Variants in CADM2 observed in about 807,000 individuals in gnomAD.
CADM2 encodes immunoglobulin superfamily member 4D.
Under a neutral mutation model 49.8 loss-of-function variants are expected in CADM2, and 12 were observed. The ratio of observed to expected loss-of-function variants is 0.24; its 90% CI spans 0.15 to 0.39. The LOEUF (loss-of-function observed/expected upper bound fraction) is 0.39, where lower values mean the gene tolerates loss of function less well. Ranked by LOEUF, CADM2 falls within the 10% of genes least tolerant of loss-of-function variation. CADM2 has a pLI of 1.00. For synonymous variants in CADM2, 214 were observed against 175.4 expected, an observed-to-expected ratio of 1.22 and a Z score of -1.74; for missense variants, 378 against 492.3, an observed-to-expected ratio of 0.77 and a Z score of 2.20.
intron 1 of CADM2, among the ~76,000 whole-genome samples, chr3:85,155,829 C>G (rs1473881250): frequency 6.6e-6 from 1 of 152,166 alleles, no homozygotes; most frequent in Non-Finnish European, 1.5e-5. Flanking sequence ...ACAACCTGCT[C>G]CTGAATGACT....
chr3:85,894,180 A>G (rs1205245542), intron 5 of CADM2, among the ~76,000 whole-genome samples: 1 of 150,848 alleles, frequency 6.6e-6, no homozygotes, highest in Non-Finnish European at 1.5e-5. Flanking sequence ...AAAAATGATG[A>G]GTTCATGTCC....
At chr3:84,968,369 A>T (rs1042563282) in intron 1 of CADM2, among the ~76,000 whole-genome samples, 1 of 152,066 alleles carries the variant, frequency 6.6e-6, no homozygotes, top group African/African-American at 2.4e-5. Flanking sequence ...GTTCTGTGAT[A>T]TTCAATGTGC....
At chr3:85,098,436 C>G (rs955592245) in intron 1 of CADM2, among the ~76,000 whole-genome samples, 2 of 152,040 alleles carry the variant, frequency 1.3e-5, no homozygotes, top group African/African-American at 2.4e-5. Context: ...CAAGTCACCA[C>G]GCTTTTTTGA....
At chr3:85,510,823 G>C (rs2040582334) in intron 1 of CADM2, among the ~76,000 whole-genome samples, 1 of 151,628 alleles carries the variant, frequency 6.6e-6, no homozygotes, top group Non-Finnish European at 1.5e-5. Flanking sequence ...TACTGTGCTA[G>C]GTATTGTATT....
intron 1 of CADM2, among the ~76,000 whole-genome samples, chr3:85,224,953 G>A (rs2107799445): frequency 6.6e-6 from 1 of 152,088 alleles, no homozygotes; most frequent in East Asian, 1.9e-4. Context: ...CTGTTCCATT[G>A]GTCTATATAT....
At chr3:85,949,761 C>CTACTATATAT (rs1723216247) in intron 7 of CADM2, among the ~76,000 whole-genome samples, 3 of 150,848 alleles carry the variant, frequency 2.0e-5, no homozygotes, top group Non-Finnish European at 3.0e-5. Flanking sequence ...GAAGCAGAAG[C>CTACTATATAT]AGTAGTATAA....
At chr3:85,862,451 T>C (rs1174319051) in intron 3 of CADM2, among the ~76,000 whole-genome samples, 2 of 152,182 alleles carry the variant, frequency 1.3e-5, no homozygotes, top group Non-Finnish European at 2.9e-5. Flanking sequence ...AATTGAATTA[T>C]ATTTCCAGAA....
chr3:86,057,722 T>C (rs1040352027), intron 8 of CADM2, among the ~76,000 whole-genome samples: 1 of 152,146 alleles, frequency 6.6e-6, no homozygotes, highest in African/African-American at 2.4e-5. Flanking sequence ...CTGATCACTG[T>C]TGTTCGGACT....
intron 1 of CADM2, among the ~76,000 whole-genome samples, chr3:85,054,368 A>G (rs1483760912): frequency 6.6e-6 from 1 of 151,848 alleles, no homozygotes; most frequent in African/African-American, 2.4e-5. Context: ...GTAAATGAAG[A>G]CTTCAATGAA....
rs925635435 is a variant in CADM2 at position 85,751,427 on chromosome 3, T to C, written c.88+24879T>C. On this transcript the variant is annotated intron_variant, in intron 2 of 9. Coordinates refer to ENST00000383699, the MANE Select transcript of CADM2 (RefSeq NM_001167675.2). ...CATCTTAATGACATGTTTAAATAAG[T>C]ATGTTTTATAAAATATATTTGTTGA... is the stretch of plus-strand genomic sequence containing the variant. Among the ~76,000 whole-genome samples the C allele has an allele frequency of 4.6e-5, 7 of 152,298 alleles. No homozygotes were observed. The East Asian group carries it at 1.4e-3, about 29-fold the overall frequency.
chr3:86,042,772 A>C (rs922396993), intron 8 of CADM2, among the ~76,000 whole-genome samples: 4 of 152,138 alleles, frequency 2.6e-5, no homozygotes, highest in Non-Finnish European at 5.9e-5. Context: ...CAAAGACACA[A>C]CAAAAAATGA....
intron 1 of CADM2, among the ~76,000 whole-genome samples, chr3:85,249,227 G>A (rs941365542): frequency 6.6e-6 from 1 of 152,012 alleles, no homozygotes; most frequent in Non-Finnish European, 1.5e-5. Context: ...ACTGTGACTT[G>A]TATTTAGACC....
chr3:85,883,700 T>C (rs572489606), intron 4 of CADM2, among the ~76,000 whole-genome samples: 1 of 152,210 alleles, frequency 6.6e-6, no homozygotes, highest in Non-Finnish European at 1.5e-5. Context: ...TAGCCAGCAA[T>C]AGACACCGGT....
intron 1 of CADM2, among the ~76,000 whole-genome samples, chr3:85,339,583 C>T (rs2045186011): frequency 6.6e-6 from 1 of 150,754 alleles, no homozygotes; most frequent in South Asian, 2.1e-4. Context: ...CTTCAGGTAT[C>T]ACAGGCATTA....
intron 1 of CADM2, among the ~76,000 whole-genome samples, chr3:85,031,916 A>G (rs1050020404): frequency 1.3e-5 from 2 of 152,154 alleles, no homozygotes; most frequent in African/African-American, 4.8e-5. Flanking sequence ...TATCTCCAGT[A>G]TAGGAATTTT....
intron 1 of CADM2, among the ~76,000 whole-genome samples, chr3:85,439,791 C>A (rs2037112095): frequency 6.6e-6 from 1 of 152,004 alleles, no homozygotes; most frequent in African/African-American, 2.4e-5. Flanking sequence ...ATGGTATTTG[C>A]ATTCTGAAAA....
chr3:85,318,935 C>T (rs2044535451), intron 1 of CADM2, among the ~76,000 whole-genome samples: 1 of 152,078 alleles, frequency 6.6e-6, no homozygotes, highest in Admixed American at 6.6e-5. Context: ...ATTAATGTGA[C>T]AACGTTCGGG....
chr3:85,253,649 T>C (rs1168302182), intron 1 of CADM2, among the ~76,000 whole-genome samples: 1 of 152,102 alleles, frequency 6.6e-6, no homozygotes, highest in Non-Finnish European at 1.5e-5. Flanking sequence ...CCTCCAAGTT[T>C]GTCGCATCCT....
rs56128407 is a variant in CADM2 at position 86,072,016 on chromosome 3, C to A, written c.*5233C>A. The A allele has an allele frequency of 6.6e-6, 1 of 151,004 alleles. No homozygotes were observed. Among genetic ancestry groups the A allele is most frequent in the Admixed American group, 6.6e-5 (1 of 15,154 alleles). The allele number at this position is 151,004 out of a possible 1,614,324, so 9.4% of individuals were successfully genotyped here. A position where few individuals can be genotyped will look rare whatever the true frequency, so the allele number is the denominator to read the frequency against. ...AGACAAATTTAAGTATTTTAAAAAT[C>A]ATCCTTATTAATAAATAATCCTCAT... On this transcript the variant is annotated 3_prime_UTR_variant, in exon 10 of 10. Coordinates refer to ENST00000383699, the MANE Select transcript of CADM2 (RefSeq NM_001167675.2).
Sources: allele counts gnomAD v4.1 joint callset (sites outside exome capture counted in the v4.1 genomes callset), GRCh38; gene constraint gnomAD v4.1.1; transcripts MANE v1.5; gene names NCBI Gene and HGNC (gene_info 2026-07-23, HGNC 2026-07-21).